Variants in CBL observed in about 807,000 individuals in gnomAD.
CBL encodes E3 ubiquitin-protein ligase CBL.
CBL carries 45 observed loss-of-function variants against 96.9 expected under a neutral mutation model. The observed-to-expected ratio is 0.46, with a 90% CI of 0.37 to 0.60. CBL has a LOEUF of 0.60. Among genes scored for constraint, CBL ranks in the 20% least tolerant of loss-of-function variants. The probability of loss-of-function intolerance (pLI) is 0.00; values close to 1 mark genes in which losing one functional copy is unlikely to be tolerated. For synonymous variants in CBL, 420 were observed against 426.8 expected, an observed-to-expected ratio of 0.98 and a Z score of 0.20; for missense variants, 1,024 against 1,143.5, an observed-to-expected ratio of 0.90 and a Z score of 1.51.
intron 3 of CBL, 82 bp from the exon 4 acceptor site, chr11:119,273,786 C>T (rs1949866661): frequency 1.6e-6 from 2 of 1,222,950 alleles, no homozygotes; most frequent in East Asian, 2.4e-5. Context: ...TAATGTGGCT[C>T]TCCTTCCTTT....
In CBL at chr11:119,206,473, G is replaced by A. The variant is rs2135244033; in HGVS notation, c.56G>A (p.Gly19Asp). Residue 19 changes from glycine (G) to aspartate (D), a missense_variant, in exon 1 of 16, where the codon GGC (glycine) becomes GAC (aspartate). Gly to Asp is a moderately conservative substitution (Grantham distance 94). This residue lies in a region of CBL where 114 missense variants were observed against 117.4 expected (regional missense o/e 0.97). Transcript: ENST00000264033. ...SGAGGGSGSG[G>D]SGSGGLIGLM... ...GCCGGGGGCGGCAGCGGCTCCGGGG[G>A]CTCGGGTTCGGGTGGCCTGATTGGG... 1.3e-6 allele frequency: 2 copies of A among 1,577,218 alleles called. No homozygotes were observed. Among genetic ancestry groups the A allele is most frequent in the South Asian group, 1.2e-5 (1 of 86,714 alleles).
At chr11:119,247,761 G>A (rs1183828191) in intron 2 of CBL, among the ~76,000 whole-genome samples, 1 of 152,168 alleles carries the variant, frequency 6.6e-6, no homozygotes, top group East Asian at 1.9e-4. Context: ...GCAGTGAGTC[G>A]AGATCATGCC....
At chr11:119,236,832 G>A (rs1352093843) in intron 2 of CBL, among the ~76,000 whole-genome samples, 1 of 152,060 alleles carries the variant, frequency 6.6e-6, no homozygotes, top group African/African-American at 2.4e-5. Context: ...TGAAATGCAT[G>A]TGAATACTTT....
chr11:119,293,691 C>T (rs1232750569), intron 12 of CBL, among the ~76,000 whole-genome samples: 3 of 152,138 alleles, frequency 2.0e-5, no homozygotes, highest in Non-Finnish European at 4.4e-5. Flanking sequence ...ATTCCTGTCT[C>T]TTCTTAGTCT....
chr11:119,288,358 C>T (rs1950000434), intron 12 of CBL, among the ~76,000 whole-genome samples: 1 of 152,106 alleles, frequency 6.6e-6, no homozygotes, highest in Non-Finnish European at 1.5e-5. Flanking sequence ...TTTATTTTCC[C>T]TGAGTTCTGG....
intron 1 of CBL, among the ~76,000 whole-genome samples, chr11:119,232,057 G>GCTCCA (rs1949506711): frequency 6.6e-6 from 1 of 152,080 alleles, no homozygotes; most frequent in Non-Finnish European, 1.5e-5. Flanking sequence ...AGTCGTGGTT[G>GCTCCA]CTCCACTCCA....
chr11:119,230,449 G>A (rs1005894174), intron 1 of CBL, among the ~76,000 whole-genome samples: 1 of 152,124 alleles, frequency 6.6e-6, no homozygotes, highest in Non-Finnish European at 1.5e-5. Context: ...CTGAAAATAG[G>A]TATTTTTAAA....
At chr11:119,240,959 G>C (rs550516282) in intron 2 of CBL, among the ~76,000 whole-genome samples, 81 of 152,218 alleles carry the variant, frequency 5.3e-4, no homozygotes, top group African/African-American at 1.9e-3. Context: ...TGTAATCCCA[G>C]CTACTCGGGA....
chr11:119,293,472 G>A (rs74551819), intron 12 of CBL, among the ~76,000 whole-genome samples: 5 of 151,912 alleles, frequency 3.3e-5, no homozygotes, highest in African/African-American at 4.8e-5. Flanking sequence ...CTCCAACTCT[G>A]TCCAGCTTGG....
intron 2 of CBL, among the ~76,000 whole-genome samples, chr11:119,241,722 G>C (rs944681563): frequency 2.6e-5 from 4 of 152,156 alleles, no homozygotes; most frequent in African/African-American, 7.2e-5. Context: ...GGCTTGGTGG[G>C]AAGAGATTTT....
rs550349846 is a variant in CBL at position 119,268,981 on chromosome 11, T to G, written c.444-2754T>G. On this transcript the variant is annotated intron_variant, in intron 2 of 15. Transcript: ENST00000264033. ...TTAGGGACTACTACTTGACAGAATG[T>G]TATGTAGATGTAGATGTCTGAGCCA... Among the ~76,000 whole-genome samples, 82 of 152,308 alleles carry G rather than the reference T, an allele frequency of 5.4e-4. 1 individual carries two copies. Among genetic ancestry groups the G allele is most frequent in the African/African-American group, 1.9e-3 (80 of 41,572 alleles).
Position 119,278,026 on chromosome 11 carries a change from T to A in CBL, c.1096-140T>A. The A allele has an allele frequency of 3.3e-6, 3 of 904,940 alleles. No homozygotes were observed. In the South Asian group the frequency reaches 4.8e-5, roughly 14 times the overall value. The allele number at this position is 904,940 out of a possible 1,614,324, so 56.1% of individuals were successfully genotyped here. A position where few individuals can be genotyped will look rare whatever the true frequency, so the allele number is the denominator to read the frequency against. On this transcript the variant is annotated intron_variant, in intron 7 of 15. Transcript: ENST00000264033. ...GGACCCAGACTAGATGCTTTCTGGT[T>A]TAATAAAAAATAAACCACTGTTGTG...
chr11:119,296,156 C>T (rs1474852629), intron 12 of CBL, among the ~76,000 whole-genome samples: 1 of 152,070 alleles, frequency 6.6e-6, no homozygotes, highest in African/African-American at 2.4e-5. Flanking sequence ...AGCAGACAAA[C>T]GAAAGAGATG....
chr11:119,265,074 T>A (rs1249492254), intron 2 of CBL, among the ~76,000 whole-genome samples: 2 of 151,498 alleles, frequency 1.3e-5, no homozygotes, highest in Non-Finnish European at 2.9e-5. Context: ...AGATGGGGGG[T>A]CTCACTATAT....
intron 1 of CBL, among the ~76,000 whole-genome samples, chr11:119,231,138 C>T (rs1174395388): frequency 6.6e-6 from 1 of 152,158 alleles, no homozygotes; most frequent in Non-Finnish European, 1.5e-5. Flanking sequence ...TGCGGTGGCT[C>T]ATGCCTGTAA....
chr11:119,222,317 T>C (rs970964730), intron 1 of CBL, among the ~76,000 whole-genome samples: 36 of 152,240 alleles, frequency 2.4e-4, no homozygotes, highest in African/African-American at 8.2e-4. Flanking sequence ...TTTAAAAGTT[T>C]AGCAATTTTC....
At chr11:119,296,643 TG>T (rs1031748447) in intron 12 of CBL, among the ~76,000 whole-genome samples, 4 of 152,150 alleles carry the variant, frequency 2.6e-5, no homozygotes, top group African/African-American at 9.7e-5. Context: ...GAAACTTCTG[TG>T]GGGGATTAGG....
intron 2 of CBL, among the ~76,000 whole-genome samples, chr11:119,254,583 T>C (rs749663663): frequency 6.6e-6 from 1 of 151,882 alleles, no homozygotes. Context: ...GCAGTAAAAA[T>C]GTGGTATTAT....
chr11:119,240,173 TA>T (rs1949573856), intron 2 of CBL, among the ~76,000 whole-genome samples: 1 of 152,026 alleles, frequency 6.6e-6, no homozygotes, highest in Admixed American at 6.6e-5. Flanking sequence ...CATATACCTG[TA>T]ATCCCAGCTG....
Sources: allele counts gnomAD v4.1 joint callset (sites outside exome capture counted in the v4.1 genomes callset), GRCh38; gene constraint gnomAD v4.1.1; regional missense constraint gnomAD v4.1.1; transcripts MANE v1.5; gene names NCBI Gene and HGNC (gene_info 2026-07-23, HGNC 2026-07-21).